DPP4: variants seen among roughly 807,000 people sequenced by gnomAD.
DPP4 encodes dipeptidyl peptidase 4, also known as ADCP-2.
Under a neutral mutation model 122.4 loss-of-function variants are expected in DPP4, and 93 were observed. The observed-to-expected ratio is 0.76, with a 90% CI of 0.64 to 0.90. DPP4 has a LOEUF of 0.90. DPP4 is among the 40% of genes least tolerant of loss of function. DPP4 has a pLI of 0.00. For synonymous variants in DPP4, 321 were observed against 302.9 expected (o/e 1.06, Z -0.62); for missense variants, 914 against 907.3 (o/e 1.01, Z -0.09).
At chr2:162,036,709 T>C (rs1392412145) in intron 8 of DPP4, among the ~76,000 whole-genome samples, 1 of 152,172 alleles carries the variant, frequency 6.6e-6, no homozygotes, top group Admixed American at 6.5e-5. Flanking sequence ...CACTCTTATG[T>C]AGCAATTTAG....
At chr2:162,061,957 G>A (rs1433342983) in intron 2 of DPP4, among the ~76,000 whole-genome samples, 1 of 152,100 alleles carries the variant, frequency 6.6e-6, no homozygotes, top group East Asian at 1.9e-4. Context: ...AAAAGGACAT[G>A]ATTTGACTTA....
chr2:162,053,380 T>A (rs1258338092), intron 2 of DPP4, among the ~76,000 whole-genome samples: 1 of 152,082 alleles, frequency 6.6e-6, no homozygotes, highest in South Asian at 2.1e-4. Flanking sequence ...GTGAGAAGAA[T>A]TGTCTTGGGC....
chr2:161,996,658 G>A (rs954325771), intron 23 of DPP4, among the ~76,000 whole-genome samples: 28 of 152,110 alleles, frequency 1.8e-4, no homozygotes, highest in Non-Finnish European at 4.4e-5. Flanking sequence ...GTTACCTTCA[G>A]TATAGTACAA....
intron 2 of DPP4, among the ~76,000 whole-genome samples, chr2:162,063,176 G>A (rs1232482675): frequency 6.6e-6 from 1 of 152,078 alleles, no homozygotes; most frequent in Non-Finnish European, 1.5e-5. Context: ...AACTTGCATG[G>A]ATATTGGCCT....
At chr2:162,056,198 A>T (rs1684568794) in intron 2 of DPP4, among the ~76,000 whole-genome samples, 1 of 152,102 alleles carries the variant, frequency 6.6e-6, no homozygotes, top group Non-Finnish European at 1.5e-5. Context: ...CTGATTATAC[A>T]TTTTACTTTT....
chr2:162,051,507 G>A (rs866613474), intron 2 of DPP4, among the ~76,000 whole-genome samples: 4 of 152,136 alleles, frequency 2.6e-5, no homozygotes, highest in Admixed American at 2.0e-4. Flanking sequence ...TGCTCGTTAC[G>A]GCACATAACT....
intron 23 of DPP4, among the ~76,000 whole-genome samples, chr2:162,003,728 C>T (rs765144332): frequency 3.9e-5 from 6 of 151,984 alleles, no homozygotes; most frequent in Admixed American, 2.6e-4. Flanking sequence ...AAAATGAAAA[C>T]GGTGATGGAG....
intron 12 of DPP4, among the ~76,000 whole-genome samples, chr2:162,020,895 C>A (rs974474921): frequency 2.0e-5 from 3 of 152,060 alleles, no homozygotes; most frequent in African/African-American, 7.2e-5. Context: ...TTTTCGTGAG[C>A]AGTAAATGAG....
At chr2:161,993,432 C>T (rs779181333) in intron 25 of DPP4, 48 bp from the exon 26 acceptor site, 1 of 1,273,688 alleles carries the variant, frequency 7.9e-7, no homozygotes, top group Non-Finnish European at 1.1e-6. Flanking sequence ...CAGTACTCTT[C>T]TTAAAAAAAA....
intron 23 of DPP4, among the ~76,000 whole-genome samples, chr2:162,002,291 C>T (rs1439713445): frequency 6.6e-6 from 1 of 152,192 alleles, no homozygotes; most frequent in Non-Finnish European, 1.5e-5. Context: ...ACATGTGCTT[C>T]TCTTGGTGAT....
rs143703239 is a variant in DPP4 at position 162,039,199 on chromosome 2, A to G, written c.367-15T>C. On this transcript the variant is annotated splice_polypyrimidine_tract_variant and intron_variant, in intron 5 of 25. Transcript: ENST00000360534. ...TGCCTCCATTGCTATGAAAGAAAACAGACATTTCAGGCTTCTGTGATACTT... is the reference window on the plus strand; with the variant it reads ...TGCCTCCATTGCTATGAAAGAAAACGGACATTTCAGGCTTCTGTGATACTT... 4 of 1,611,198 alleles carry G rather than the reference A, an allele frequency of 2.5e-6. No homozygotes were observed. The East Asian group carries it at 6.7e-5, about 27-fold the overall frequency.
intron 19 of DPP4, 75 bp from the exon 20 acceptor site, chr2:162,012,062 C>T: frequency 5.5e-6 from 8 of 1,453,896 alleles, no homozygotes; most frequent in South Asian, 2.6e-5. Context: ...TTCTCTTCTC[C>T]GTGGAGAAGT....
intron 4 of DPP4, chr2:162,046,582 T>C: frequency 2.4e-6 from 1 of 420,878 alleles, no homozygotes; most frequent in Non-Finnish European, 4.6e-6. Context: ...AGTGTGTGTA[T>C]ACGAGAGTCA....
chr2:162,029,218 T>G (rs1399952713), intron 10 of DPP4, among the ~76,000 whole-genome samples: 1 of 152,244 alleles, frequency 6.6e-6, no homozygotes, highest in Non-Finnish European at 1.5e-5. Context: ...TTGGGTAATA[T>G]TAATTCCCTT....
intron 2 of DPP4, among the ~76,000 whole-genome samples, chr2:162,057,241 AG>A (rs1340167961): frequency 6.6e-6 from 1 of 152,228 alleles, no homozygotes; most frequent in Non-Finnish European, 1.5e-5. Context: ...GCAGTGGGCA[AG>A]AAGAACCTGT....
At chr2:162,004,836 GTTATTC>G (rs1329770758) in intron 23 of DPP4, among the ~76,000 whole-genome samples, 9 of 152,088 alleles carry the variant, frequency 5.9e-5, no homozygotes, top group African/African-American at 2.2e-4. Context: ...GTGTTCTTAA[GTTATTC>G]TTATTGTTTT....
At chr2:162,025,773 G>A (rs727204) in intron 10 of DPP4, among the ~76,000 whole-genome samples, 1 of 152,196 alleles carries the variant, frequency 6.6e-6, no homozygotes, top group East Asian at 1.9e-4. Context: ...CCCTGCTCTC[G>A]AGTGTCTGAT....
chr2:161,995,202 G>C, intron 24 of DPP4, 98 bp downstream of exon 24: 1 of 1,338,090 alleles, frequency 7.5e-7, no homozygotes, highest in Non-Finnish European at 1.1e-6. Flanking sequence ...TTTTATTGAA[G>C]TAAATGTAAC....
intron 22 of DPP4, 150 bp downstream of exon 22, chr2:162,008,412 A>C (rs1303192310): frequency 1.6e-6 from 1 of 622,664 alleles, no homozygotes; most frequent in Non-Finnish European, 2.8e-6. Flanking sequence ...AAATGAGATC[A>C]TCTTATTATA....
Sources: gnomAD v4.1 joint callset for allele counts (sites outside exome capture counted in the v4.1 genomes callset) on GRCh38, gnomAD v4.1.1 for gene constraint, MANE v1.5 for transcripts, NCBI Gene and HGNC (gene_info 2026-07-23, HGNC 2026-07-21) for gene names.